ADAMTSL4: variants seen among roughly 807,000 people sequenced by gnomAD.
ADAMTSL4 encodes the protein ADAMTS-like protein 4.
Under a neutral mutation model 122.8 loss-of-function variants are expected in ADAMTSL4, and 97 were observed. The ratio of observed to expected loss-of-function variants is 0.79; its 90% CI spans 0.67 to 0.93. ADAMTSL4 has a LOEUF of 0.93. Ranked by LOEUF, ADAMTSL4 falls within the 40% of genes least tolerant of loss-of-function variation. The pLI, the probability that ADAMTSL4 is intolerant of heterozygous loss-of-function variation, is 0.00. For synonymous variants in ADAMTSL4, 592 were observed against 568.0 expected (o/e 1.04, Z -0.60); for missense variants, 1,408 against 1,453.5 (o/e 0.97, Z 0.51).
rs773108415 is a variant in ADAMTSL4, at chr1:150,552,990, C to A, written c.171C>A (p.Ser57=). The change falls in exon 5 of 19, where the codon TCC becomes TCA. Residue 57 remains serine (S), a synonymous_variant. Coordinates refer to ENST00000271643, the MANE Select transcript of ADAMTSL4 (RefSeq NM_019032.6). This position sits in a 1 kb window ranked among gnomAD's most constrained non-coding sequence, Gnocchi z 4.0. ...WGPWVQWASC[S]QPCGVGVQRR... The stretch of plus-strand genomic sequence containing the variant: ...CTTGGGTCCAGTGGGCCTCTTGCTC[C>A]CAGCCCTGCGGGGTGGGGGTGCAGC... The A allele has an allele frequency of 6.2e-7, 1 of 1,613,300 alleles. No individual in the cohort carries two copies. The highest frequency in any genetic ancestry group is 8.5e-7 in the Non-Finnish European group (1 of 1,179,940).
Position 150,554,109 on chromosome 1 carries a change from C to A in ADAMTSL4, c.1118C>A (p.Ala373Asp), listed in dbSNP as rs749157895. 93 of 1,599,600 alleles carry A rather than the reference C, an allele frequency of 5.8e-5. No individual in the cohort carries two copies. Among genetic ancestry groups the A allele is most frequent in the Non-Finnish European group, 7.7e-5 (91 of 1,179,934 alleles). ...RCSGESEQLR[A>D]CSQAPCPPEQ... ...TCTGGGGAGAGTGAACAGCTAAGAG[C>A]CTGCAGCCAAGCGGTGAGTCTCCTC... is the stretch of plus-strand genomic sequence containing the variant. Residue 373 changes from alanine (A) to aspartate (D), a missense_variant, in exon 6 of 19, where the codon GCC becomes GAC. Ala to Asp is a moderately radical substitution (Grantham distance 126). Transcript: ENST00000271643. This position sits in a 1 kb window ranked among gnomAD's most constrained non-coding sequence, Gnocchi z 4.0.
chr1:150,555,859 G>A (rs956488709), intron 8 of ADAMTSL4: 15 of 604,422 alleles, frequency 2.5e-5, no homozygotes, highest in Non-Finnish European at 3.6e-5. Flanking sequence ...AGACACACAT[G>A]CATGAACACA....
In ADAMTSL4 at chr1:150,550,784, G is replaced by A; in HGVS notation, c.-85+889G>A. On this transcript the variant is annotated intron_variant, in intron 2 of 18. Transcript: ENST00000271643. The stretch of plus-strand genomic sequence containing the variant: ...AACCCCCACCCCAACCCCAATCCCT[G>A]AGGCGCCCGCTCTGGCTCAGCCACT... 2 of 456,470 alleles carry A rather than the reference G, an allele frequency of 4.4e-6. 1 individual carries two copies. Among genetic ancestry groups the A allele is most frequent in the South Asian group, 3.1e-5 (2 of 64,572 alleles). The allele number at this position is 456,470 out of a possible 1,614,324, so 28.3% of individuals were successfully genotyped here.
chr1:150,559,727 CA>C lies in ADAMTSL4; in HGVS notation c.2944-31del. ...GGGTTAAGGAGAATCCCGGGCCTGG[CA>C]AAGGTCTGATATGATGGCTGGGGTC... On this transcript the variant is annotated intron_variant, in intron 17 of 18. Transcript: ENST00000271643. The surrounding 1 kb of genome is among the most constrained non-coding windows in gnomAD (Gnocchi z 4.1). 1 of 1,613,598 alleles carries C rather than the reference CA, an allele frequency of 6.2e-7. No individual in the cohort carries two copies. The highest frequency in any genetic ancestry group is 8.5e-7 in the Non-Finnish European group (1 of 1,179,934).
Position 150,555,459 on chromosome 1 carries a change from G to T in ADAMTSL4, c.1265G>T (p.Cys422Phe). ...VQGSQRCELN[C>F]RPRGFRFYVR... ...GGCTCCCAGCGCTGTGAACTGAACTGCCGGCCCCGTGGCTTCCGCTTCTAT... is the reference window on the plus strand; with the variant it reads ...GGCTCCCAGCGCTGTGAACTGAACTTCCGGCCCCGTGGCTTCCGCTTCTAT... The change falls in exon 8 of 19, where the codon TGC (cysteine) becomes TTC (phenylalanine). Residue 422 changes from cysteine (C) to phenylalanine (F), a missense_variant. Physicochemically the swap from Cys to Phe is radical, Grantham distance 205. Coordinates refer to ENST00000271643, the MANE Select transcript of ADAMTSL4 (RefSeq NM_019032.6). The T allele has an allele frequency of 6.2e-7, 1 of 1,614,108 alleles. No homozygotes were observed. Among genetic ancestry groups the T allele is most frequent in the South Asian group, 1.1e-5 (1 of 91,084 alleles).
intron 2 of ADAMTSL4, chr1:150,551,512 G>A (rs1248080123): frequency 1.2e-5 from 2 of 166,650 alleles, no homozygotes; most frequent in African/African-American, 4.8e-5. Flanking sequence ...TCCTCAGAGA[G>A]AGTGTCTGGC....
At position 150,555,417 on chromosome 1, in the gene ADAMTSL4, C is replaced by T. The variant is rs751424524; in HGVS notation, c.1235-12C>T. On this transcript the variant is annotated splice_polypyrimidine_tract_variant and intron_variant, in intron 7 of 18. Coordinates refer to ENST00000271643, the MANE Select transcript of ADAMTSL4 (RefSeq NM_019032.6). ...GGGAGCCCACTAACCACCCTTCTAC[C>T]CTGTCCCTTAGTCCAGGGCTCCCAG... 1.2e-6 allele frequency: 2 copies of T among 1,613,986 alleles called. No individual in the cohort carries two copies. Among genetic ancestry groups the T allele is most frequent in the South Asian group, 1.1e-5 (1 of 91,080 alleles).
chr1:150,555,423 C>G lies in ADAMTSL4; in HGVS notation c.1235-6C>G. Reference sequence around the variant, plus strand: ...CCACTAACCACCCTTCTACCCTGTCCCTTAGTCCAGGGCTCCCAGCGCTGT... The same window carrying G: ...CCACTAACCACCCTTCTACCCTGTCGCTTAGTCCAGGGCTCCCAGCGCTGT... On this transcript the variant is annotated splice_region_variant and splice_polypyrimidine_tract_variant and intron_variant, in intron 7 of 18. Coordinates refer to ENST00000271643, the MANE Select transcript of ADAMTSL4 (RefSeq NM_019032.6). 1 of 1,614,094 alleles carries G rather than the reference C, an allele frequency of 6.2e-7. No individual in the cohort carries two copies. Among genetic ancestry groups the G allele is most frequent in the South Asian group, 1.1e-5 (1 of 91,080 alleles).
chr1:150,558,036 G>A lies in ADAMTSL4; in HGVS notation c.2269G>A (p.Gly757Ser). 1 of 1,612,832 alleles carries A rather than the reference G, an allele frequency of 6.2e-7. No homozygotes were observed. Among genetic ancestry groups the A allele is most frequent in the East Asian group, 2.2e-5 (1 of 44,882 alleles). ...QLQCRQEFGGGGSSVPPERCG... is the reference protein window; with the variant it reads ...QLQCRQEFGGSGSSVPPERCG... Reference sequence around the variant, plus strand: ...GCAGTGCCGGCAGGAATTTGGGGGGGGTGGCTCCTCGGTGCCCCCGGAGCG... The same window carrying A: ...GCAGTGCCGGCAGGAATTTGGGGGGAGTGGCTCCTCGGTGCCCCCGGAGCG... Residue 757 changes from glycine (G) to serine (S), a missense_variant, in exon 14 of 19, where the codon GGT (glycine) becomes AGT (serine). Transcript: ENST00000271643.
intron 2 of ADAMTSL4, chr1:150,551,035 GC>G (rs1671358563): frequency 4.4e-6 from 2 of 456,006 alleles, no homozygotes; most frequent in Non-Finnish European, 8.8e-6. Flanking sequence ...GGGATGAGGA[GC>G]AGGGGTGGGA....
intron 12 of ADAMTSL4, 45 bp downstream of exon 12, chr1:150,557,380 C>T (rs1351833123): frequency 1.2e-6 from 2 of 1,602,472 alleles, no homozygotes; most frequent in South Asian, 1.1e-5. Flanking sequence ...CCAAACCCCC[C>T]AACTGACACT....
At chr1:150,557,813 C>A in intron 13 of ADAMTSL4, 132 bp from the exon 14 acceptor site, 2 of 1,365,750 alleles carry the variant, frequency 1.5e-6, no homozygotes, top group Non-Finnish European at 9.9e-7. Flanking sequence ...GGAACCCAGA[C>A]TCCAAACGCC....
intron 2 of ADAMTSL4, chr1:150,550,645 A>C (rs939225243): frequency 2.3e-6 from 1 of 425,716 alleles, no homozygotes. Context: ...CAGAGCCTGA[A>C]GACTTGGGTG....
Position 150,559,530 on chromosome 1 carries a change from C to A in ADAMTSL4, c.2943+64C>A. ...GGGCCCCTAGGGGAGGGGAGCTCCT[C>A]TCGCTGTACCCCCTCCAGGTCTCTC... On this transcript the variant is annotated intron_variant, in intron 17 of 18. Coordinates refer to ENST00000271643, the MANE Select transcript of ADAMTSL4 (RefSeq NM_019032.6). The surrounding 1 kb of genome is among the most constrained non-coding windows in gnomAD (Gnocchi z 4.1). 1 of 1,601,402 alleles carries A rather than the reference C, an allele frequency of 6.2e-7. No individual in the cohort carries two copies. Among genetic ancestry groups the A allele is most frequent in the East Asian group, 2.2e-5 (1 of 44,804 alleles).
In ADAMTSL4 at chr1:150,557,032, G is replaced by T. The variant is rs759865467; in HGVS notation, c.1843G>T (p.Val615Phe). ...ILENPTPEPP[V>F]PQLQPEILRV... ...TGAGAACCCCACCCCAGAGCCCCCT[G>T]TCCCCCAGCTTCAGCCGGGTAAGAC... Residue 615 changes from valine (V) to phenylalanine (F), a missense_variant, in exon 11 of 19, where the codon GTC (valine) becomes TTC (phenylalanine). Val to Phe is a conservative substitution (Grantham distance 50). Coordinates refer to ENST00000271643, the MANE Select transcript of ADAMTSL4 (RefSeq NM_019032.6). 1.2e-6 allele frequency: 2 copies of T among 1,613,662 alleles called. No homozygotes were observed. Among genetic ancestry groups the T allele is most frequent in the South Asian group, 2.2e-5 (2 of 91,070 alleles).
At position 150,554,139 on chromosome 1, in the gene ADAMTSL4, C is replaced by T. The variant is rs1177943153; in HGVS notation, c.1131+17C>T. The stretch of plus-strand genomic sequence containing the variant: ...AGCCAAGCGGTGAGTCTCCTCGGGC[C>T]TCCCCTCCCAACCCCGACCTCCAGT... On this transcript the variant is annotated intron_variant, in intron 6 of 18. Coordinates refer to ENST00000271643, the MANE Select transcript of ADAMTSL4 (RefSeq NM_019032.6). The surrounding 1 kb of genome is among the most constrained non-coding windows in gnomAD (Gnocchi z 4.0). 7 of 1,597,958 alleles carry T rather than the reference C, an allele frequency of 4.4e-6. No homozygotes were observed. Among genetic ancestry groups the T allele is most frequent in the African/African-American group, 4.0e-5 (3 of 74,858 alleles).
chr1:150,558,430 G>A (rs1311647294), intron 14 of ADAMTSL4, 43 bp from the exon 15 acceptor site: 3 of 1,610,500 alleles, frequency 1.9e-6, no homozygotes, highest in African/African-American at 1.3e-5. Flanking sequence ...TGGCTGAGAA[G>A]GTCTGGGAAG....
rs1266152926 is a variant in ADAMTSL4 at position 150,553,876 on chromosome 1, AG to A, written c.888del (p.Arg297AspfsTer46). On this transcript the variant is annotated frameshift_variant, in exon 6 of 19. Coordinates refer to ENST00000271643, the MANE Select transcript of ADAMTSL4 (RefSeq NM_019032.6). LOFTEE classifies it high-confidence loss of function. ...AGGGTTGGGCCAGTCCCCAGGTAGC[AG>A]GGAGACGCCCTGATCCTTTTCCTTC... ...SQGWASPQVA[G>X]RRPDPFPSVP... 1.2e-6 allele frequency: 2 copies of A among 1,613,990 alleles called. No individual in the cohort carries two copies. The highest frequency in any genetic ancestry group is 1.7e-6 in the Non-Finnish European group (2 of 1,179,976).
In ADAMTSL4 at chr1:150,554,056, T is replaced by G. The variant is rs1671737525; in HGVS notation, c.1065T>G (p.Phe355Leu). 6.2e-7 allele frequency: 1 copy of G among 1,607,212 alleles called. No homozygotes were observed. ...ATGCCAGCTCCCTCTGGAGCCTCTTTGCTCCCAGTAGCCCTATTCCAAGAT... is the reference window on the plus strand; with the variant it reads ...ATGCCAGCTCCCTCTGGAGCCTCTTGGCTCCCAGTAGCCCTATTCCAAGAT... The part of the protein sequence containing the change: ...GPHASSLWSL[F>L]APSSPIPRCS... Residue 355 changes from phenylalanine to leucine, a missense_variant, in exon 6 of 19, where the codon TTT (phenylalanine) becomes TTG (leucine). Phe to Leu is a conservative substitution (Grantham distance 22). Transcript: ENST00000271643. The surrounding 1 kb of genome is among the most constrained non-coding windows in gnomAD (Gnocchi z 4.0).
Sources: gnomAD v4.1 joint callset for allele counts on GRCh38, gnomAD v4.1.1 for gene constraint, Gnocchi (gnomAD v3.1) non-coding constraint, MANE v1.5 for transcripts, NCBI Gene and HGNC (gene_info 2026-07-23, HGNC 2026-07-21) for gene names.